MUC12: variants seen among roughly 807,000 people sequenced by gnomAD.
The protein encoded by MUC12 is mucin-12.
MUC12 carries 172 observed loss-of-function variants against 230.8 expected under a neutral mutation model. The observed-to-expected ratio is 0.75, with a 90% confidence interval of 0.66 to 0.85. MUC12 has a LOEUF of 0.85. MUC12 is among the 40% of genes least tolerant of loss of function. The probability of loss-of-function intolerance (pLI) is 0.00; values close to 1 mark genes in which losing one functional copy is unlikely to be tolerated. For missense variants in MUC12, 3,506 were observed against 5,920.6 expected (o/e 0.59, Z 13.38); for synonymous variants, 1,259 against 2,401.9 (o/e 0.52, Z 13.91).
Position 100,995,824 on chromosome 7 carries a change from C to T in MUC12, c.5261C>T (p.Thr1754Ile). The change falls in exon 2 of 12, where the codon ACA (threonine) becomes ATA (isoleucine). Residue 1754 changes from threonine to isoleucine, a missense_variant. Transcript: ENST00000536621. ...VHSSPVATAT[T>I]PSPARSTTSG... The stretch of plus-strand genomic sequence containing the variant: ...AGCAGCCCAGTTGCAACTGCAACAA[C>T]ACCCTCGCCTGCCCGCTCCACAACC... 1 of 1,474,720 alleles carries T rather than the reference C, an allele frequency of 6.8e-7. No individual in the cohort carries two copies. The highest frequency in any genetic ancestry group is 1.2e-5 in the South Asian group (1 of 82,138). 91.4% of individuals were successfully genotyped at this position (1,474,720 alleles called of 1,614,324 possible).
rs142281645 is a variant in MUC12, at chr7:101,004,684, C to T, written c.14121C>T (p.Arg4707=). 1.0e-5 allele frequency: 16 copies of T among 1,537,832 alleles called. No individual in the cohort carries two copies. In the East Asian group the frequency reaches 1.7e-4, roughly 16 times the overall value. Residue 4707 remains arginine, a synonymous_variant, in exon 2 of 12, where the codon CGC becomes CGT. Transcript: ENST00000536621. Reference sequence around the variant, plus strand: ...CTGCCCATTTTACTACCTCAGGCCGCATTGCAGAATCTACCACCTTCTATA... The same window carrying T: ...CTGCCCATTTTACTACCTCAGGCCGTATTGCAGAATCTACCACCTTCTATA... ...PLPAHFTTSG[R]IAESTTFYIS...
chr7:100,983,542 T>C (rs969417730), intron 1 of MUC12, among the ~76,000 whole-genome samples: 1 of 152,278 alleles, frequency 6.6e-6, no homozygotes, highest in East Asian at 1.9e-4. Flanking sequence ...ACTCATTCAC[T>C]GAGAAAGTCT....
chr7:101,011,269 T>C (rs1793837139), intron 5 of MUC12, among the ~76,000 whole-genome samples: 1 of 152,068 alleles, frequency 6.6e-6, no homozygotes, highest in Non-Finnish European at 1.5e-5. Context: ...CCATTTTGGC[T>C]CAGGATTTTT....
chr7:100,991,539 C>G lies in MUC12; in HGVS notation c.976C>G (p.His326Asp), dbSNP rs1406794933. 2 of 1,536,906 alleles carry G rather than the reference C, an allele frequency of 1.3e-6. No homozygotes were observed. Among genetic ancestry groups the G allele is most frequent in the Non-Finnish European group, 1.7e-6 (2 of 1,146,350 alleles). The change falls in exon 2 of 12, where the codon CAT (histidine) becomes GAT (aspartate). Residue 326 changes from histidine (H) to aspartate (D), a missense_variant. His to Asp is a moderately conservative substitution (Grantham distance 81). Transcript: ENST00000536621. The stretch of plus-strand genomic sequence containing the variant: ...TTCTGCCAGCTCCACAACCTTGGGC[C>G]ATAGTGAGGAATCGACACCAGTCCA... ...HFSASSTTLGHSEESTPVHSS... is the reference protein window; with the variant it reads ...HFSASSTTLGDSEESTPVHSS...
Position 100,991,861 on chromosome 7 carries a change from G to A in MUC12, c.1298G>A (p.Arg433His), listed in dbSNP as rs758251011. 72 of 1,537,408 alleles carry A rather than the reference G, an allele frequency of 4.7e-5. 1 individual carries two copies. Among genetic ancestry groups the A allele is most frequent in the Middle Eastern group, 1.7e-4 (1 of 5,996 alleles). ...CGTGATAGCTCCACAATCTCAGGCC[G>A]TAGTGAGGAATCAAAAGCATCCCAC... ...HFRDSSTISGRSEESKASHSS... is the reference protein window; with the variant it reads ...HFRDSSTISGHSEESKASHSS... Residue 433 changes from arginine to histidine, a missense_variant, in exon 2 of 12, where the codon CGT becomes CAT. Coordinates refer to ENST00000536621, the MANE Select transcript of MUC12 (RefSeq NM_001164462.2).
intron 1 of MUC12, among the ~76,000 whole-genome samples, chr7:100,975,756 T>C (rs1793020052): frequency 6.6e-6 from 1 of 152,364 alleles, no homozygotes; most frequent in Non-Finnish European, 1.5e-5. Context: ...GGAAGTATTA[T>C]ATTAACAGAT....
chr7:101,009,240 G>A, intron 5 of MUC12, 81 bp downstream of exon 5: 1 of 1,382,484 alleles, frequency 7.2e-7, no homozygotes, highest in Non-Finnish European at 9.9e-7. Flanking sequence ...TATCATGAAT[G>A]GCTAGAATAT....
intron 4 of MUC12, 73 bp downstream of exon 4, chr7:101,008,834 C>A (rs967792156): frequency 2.7e-6 from 4 of 1,470,040 alleles, no homozygotes; most frequent in Admixed American, 4.5e-5. Context: ...TGCACCCCAA[C>A]TTAGTGATCT....
chr7:101,018,709 C>T lies in MUC12; in HGVS notation c.*73C>T. The T allele has an allele frequency of 6.9e-7, 1 of 1,458,856 alleles. No individual in the cohort carries two copies. The highest frequency in any genetic ancestry group is 9.2e-7 in the Non-Finnish European group (1 of 1,092,312). The allele number at this position is 1,458,856 out of a possible 1,614,324, so 90.4% of individuals were successfully genotyped here. On this transcript the variant is annotated 3_prime_UTR_variant, in exon 12 of 12. Coordinates refer to ENST00000536621, the MANE Select transcript of MUC12 (RefSeq NM_001164462.2). ...CAAACACAGAGCCCACCACAAGCCTCCGGGGCGGGTCAAGAGGAGACCGAA... is the reference window on the plus strand; with the variant it reads ...CAAACACAGAGCCCACCACAAGCCTTCGGGGCGGGTCAAGAGGAGACCGAA...
At chr7:100,987,958 T>G (rs1584828990) in intron 1 of MUC12, among the ~76,000 whole-genome samples, 7 of 114,162 alleles carry the variant, frequency 6.1e-5, no homozygotes, top group Admixed American at 9.3e-5. Flanking sequence ...GCAACAAGAG[T>G]GAAACTACGT....
intron 1 of MUC12, among the ~76,000 whole-genome samples, chr7:100,984,316 G>A (rs1392896320): frequency 6.6e-6 from 1 of 151,048 alleles, no homozygotes; most frequent in Non-Finnish European, 1.5e-5. Context: ...GAGTACAGTG[G>A]CATGATCTTG....
At chr7:101,010,704 A>G (rs1400260160) in intron 5 of MUC12, among the ~76,000 whole-genome samples, 1 of 152,066 alleles carries the variant, frequency 6.6e-6, no homozygotes, top group African/African-American at 2.4e-5. Flanking sequence ...TAGTAGAGAC[A>G]GGGTTTCACC....
At chr7:101,017,531 C>T in intron 10 of MUC12, 44 bp from the exon 11 acceptor site, 1 of 1,277,478 alleles carries the variant, frequency 7.8e-7, no homozygotes, top group South Asian at 1.3e-5. Flanking sequence ...CCTAGTCCTC[C>T]CCCTACCAAG....
At position 100,991,816 on chromosome 7, in the gene MUC12, C is replaced by G. The variant is rs373489930; in HGVS notation, c.1253C>G (p.Ser418Ter). Reference sequence around the variant, plus strand: ...ACAAGCTACCACAGCAGCCTGGGCTCAACTGAAACAACACACTTCCGTGAT... The same window carrying G: ...ACAAGCTACCACAGCAGCCTGGGCTGAACTGAAACAACACACTTCCGTGAT... ...AHTSYHSSLGSTETTHFRDSS... is the reference protein window; with the variant it reads ...AHTSYHSSLG Residue 418 changes from serine (S) to a stop codon, truncating the protein, a stop_gained, in exon 2 of 12, where the codon TCA (serine) becomes TGA (stop). Coordinates refer to ENST00000536621, the MANE Select transcript of MUC12 (RefSeq NM_001164462.2). LOFTEE classifies it high-confidence loss of function. 90 of 1,537,832 alleles carry G rather than the reference C, an allele frequency of 5.9e-5. No homozygotes were observed. The highest frequency in any genetic ancestry group is 7.3e-5 in the Non-Finnish European group (84 of 1,147,058).
chr7:101,004,584 C>T lies in MUC12; in HGVS notation c.14021C>T (p.Ser4674Phe). The change falls in exon 2 of 12, where the codon TCC becomes TTC. Residue 4674 changes from serine (S) to phenylalanine (F), a missense_variant. By Grantham distance (155) the Ser-to-Phe change is radical. Transcript: ENST00000536621. ...GCAACAACACACTTTCCTGAGAGCT[C>T]CACAACCTCCGGCCGTAGTGAGGAA... ...SIATTHFPES[S>F]TTSGRSEEST... 1 of 1,537,484 alleles carries T rather than the reference C, an allele frequency of 6.5e-7. No homozygotes were observed. The highest frequency in any genetic ancestry group is 8.7e-7 in the Non-Finnish European group (1 of 1,146,766).
intron 1 of MUC12, among the ~76,000 whole-genome samples, chr7:100,978,261 G>A (rs1209617484): frequency 1.3e-5 from 2 of 152,142 alleles, no homozygotes; most frequent in East Asian, 3.9e-4. Context: ...CAGGGGTTGG[G>A]GTGGCCCCAG....
Position 101,015,696 on chromosome 7 carries a change from C to T in MUC12, c.15877+5C>T, listed in dbSNP as rs1232880261. ...AGAAGACGGCCATCTGGGAAGGTAC[C>T]TCTAGTTAAGGGCAAGGAGATGAGC... On this transcript the variant is annotated splice_donor_5th_base_variant and intron_variant, in intron 10 of 11. Coordinates refer to ENST00000536621, the MANE Select transcript of MUC12 (RefSeq NM_001164462.2). 6.5e-7 allele frequency: 1 copy of T among 1,537,276 alleles called. No individual in the cohort carries two copies. Among genetic ancestry groups the T allele is most frequent in the Non-Finnish European group, 8.7e-7 (1 of 1,146,756 alleles).
intron 1 of MUC12, among the ~76,000 whole-genome samples, chr7:100,986,334 G>GAT (rs1563087693): frequency 6.6e-6 from 1 of 151,006 alleles, no homozygotes; most frequent in African/African-American, 2.4e-5. Context: ...GTAGGATGGT[G>GAT]ATATAGTTTG....
rs1303864460 is a variant in MUC12 at position 100,991,981 on chromosome 7, G to A, written c.1418G>A (p.Gly473Asp). The part of the protein sequence containing the change: ...GDSTPSPISS[G>D]SMETTALPGS... ...TCGACGCCCTCACCCATCAGTTCAG[G>A]CTCAATGGAAACCACAGCGTTACCC... is the stretch of plus-strand genomic sequence containing the variant. The change falls in exon 2 of 12, where the codon GGC becomes GAC. Residue 473 changes from glycine (G) to aspartate (D), a missense_variant. Transcript: ENST00000536621. The A allele has an allele frequency of 6.5e-6, 10 of 1,537,780 alleles. No homozygotes were observed. Among genetic ancestry groups the A allele is most frequent in the Non-Finnish European group, 8.7e-6 (10 of 1,147,078 alleles).
Sources: gnomAD v4.1 joint callset for allele counts (sites outside exome capture counted in the v4.1 genomes callset) on GRCh38, gnomAD v4.1.1 for gene constraint, MANE v1.5 for transcripts, NCBI Gene and HGNC (gene_info 2026-07-23, HGNC 2026-07-21) for gene names.